Variants in TGFBI observed in about 807,000 individuals in gnomAD.
TGFBI encodes the protein transforming growth factor-beta-induced protein ig-h3.
In TGFBI, 50 loss-of-function variants were observed where a neutral mutation model predicts 73.7. That is an observed-to-expected ratio of 0.68 (90% CI 0.54 to 0.86). The LOEUF (loss-of-function observed/expected upper bound fraction) is 0.86. TGFBI is among the 40% of genes least tolerant of loss of function. The pLI is 0.00. For missense variants in TGFBI, 839 were observed against 877.0 expected, an observed-to-expected ratio of 0.96 and a Z score of 0.55; for synonymous variants, 362 against 360.5, an observed-to-expected ratio of 1.00 and a Z score of -0.05.
At chr5:136,050,331 C>T (rs1434064777) in intron 7 of TGFBI, among the ~76,000 whole-genome samples, 3 of 69,042 alleles carry the variant, frequency 4.3e-5, no homozygotes, top group African/African-American at 1.6e-4. Flanking sequence ...CACTCCGTCT[C>T]AAGAAAAAAA....
At chr5:136,059,805 T>C (rs1320183188) in intron 13 of TGFBI, among the ~76,000 whole-genome samples, 1 of 152,226 alleles carries the variant, frequency 6.6e-6, no homozygotes, top group East Asian at 1.9e-4. Flanking sequence ...TTCTACTCTC[T>C]GCTCCTCTCT....
At position 136,054,024 on chromosome 5, in the gene TGFBI, A is replaced by T; in HGVS notation, c.1208A>T (p.His403Leu). The T allele has an allele frequency of 1.2e-6, 2 of 1,614,024 alleles. No homozygotes were observed. The highest frequency in any genetic ancestry group is 1.7e-6 in the Non-Finnish European group (2 of 1,179,896). Residue 403 changes from histidine to leucine, a missense_variant, in exon 9 of 17, where the codon CAT (histidine) becomes CTT (leucine). Coordinates refer to ENST00000442011, the MANE Select transcript of TGFBI (RefSeq NM_000358.3). ...DLFRQAGLGNHLSGSERLTLL... is the reference protein window; with the variant it reads ...DLFRQAGLGNLLSGSERLTLL... ...TTCAGACAAGCCGGCCTCGGCAATC[A>T]TCTCTCTGGAAGTGAGCGGTTGACC... is the stretch of plus-strand genomic sequence containing the variant.
At chr5:136,041,586 G>C (rs1202506541) in intron 2 of TGFBI, among the ~76,000 whole-genome samples, 1 of 152,182 alleles carries the variant, frequency 6.6e-6, no homozygotes, top group Non-Finnish European at 1.5e-5. Flanking sequence ...TCCTAGGTCT[G>C]TTACTACCTA....
Position 136,036,516 on chromosome 5 carries a change from C to T in TGFBI, c.233+2655C>T, listed in dbSNP as rs559962039. Among the ~76,000 whole-genome samples, 9 of 152,306 alleles carry T rather than the reference C, an allele frequency of 5.9e-5. No individual in the cohort carries two copies. In the East Asian group the frequency reaches 1.7e-3, roughly 29 times the overall value. ...AGAGAGAGGAAGAGGTGGAACCCAT[C>T]TCTGTTCTTGTAGAGAGCTCAGTAA... On this transcript the variant is annotated intron_variant, in intron 2 of 16. Transcript: ENST00000442011.
intron 10 of TGFBI, 194 bp downstream of exon 10, chr5:136,055,055 G>A (rs1751603729): frequency 2.9e-6 from 2 of 678,408 alleles, no homozygotes; most frequent in Non-Finnish European, 4.9e-6. Context: ...TTTTCTGGAG[G>A]CCTTTGAGAA....
chr5:136,059,356 A>G, intron 13 of TGFBI, 142 bp downstream of exon 13: 4 of 1,245,788 alleles, frequency 3.2e-6, no homozygotes, highest in Non-Finnish European at 4.3e-6. Context: ...CCAAAGAAAA[A>G]GAGAAAAGAG....
intron 1 of TGFBI, among the ~76,000 whole-genome samples, chr5:136,031,677 C>T (rs1376230006): frequency 6.6e-6 from 1 of 152,234 alleles, no homozygotes; most frequent in Non-Finnish European, 1.5e-5. Context: ...TACAATCACA[C>T]TTCCAAACAT....
intron 1 of TGFBI, among the ~76,000 whole-genome samples, chr5:136,032,530 C>T (rs1751138771): frequency 6.6e-6 from 1 of 152,214 alleles, no homozygotes; most frequent in Non-Finnish European, 1.5e-5. Context: ...CGCTGCACAT[C>T]AAGTGATGTC....
chr5:136,045,334 G>C (rs1751409656), intron 3 of TGFBI, among the ~76,000 whole-genome samples: 1 of 152,158 alleles, frequency 6.6e-6, no homozygotes, highest in Admixed American at 6.5e-5. Flanking sequence ...ACTGAGGTCA[G>C]GAGTTTGAGA....
At chr5:136,039,371 G>T (rs1329410060) in intron 2 of TGFBI, among the ~76,000 whole-genome samples, 1 of 152,316 alleles carries the variant, frequency 6.6e-6, no homozygotes, top group Non-Finnish European at 1.5e-5. Context: ...CCCCCAGGGG[G>T]TATCAAGCCT....
At chr5:136,040,175 T>TA (rs548289231) in intron 2 of TGFBI, among the ~76,000 whole-genome samples, 163 of 152,338 alleles carry the variant, frequency 1.1e-3, no homozygotes, top group Non-Finnish European at 1.9e-3. Flanking sequence ...CAATCTTGAG[T>TA]AAAAATGTTA....
chr5:136,062,365 G>A (rs1207472853), intron 15 of TGFBI, among the ~76,000 whole-genome samples: 1 of 151,988 alleles, frequency 6.6e-6, no homozygotes, highest in Non-Finnish European at 1.5e-5. Context: ...TACTCCTGAG[G>A]CCACCTCTGT....
At chr5:136,055,372 T>A (rs1037913080) in intron 10 of TGFBI, 1 of 272,820 alleles carries the variant, frequency 3.7e-6, no homozygotes. Context: ...AACAAAGAAA[T>A]AAATAAATGG....
In TGFBI at chr5:136,046,590, C is replaced by G. The variant is rs374482409; in HGVS notation, c.459+95C>G. 48 of 1,414,806 alleles carry G rather than the reference C, an allele frequency of 3.4e-5. No individual in the cohort carries two copies. In the African/African-American group the frequency reaches 6.6e-4, roughly 20 times the overall value. The allele number at this position is 1,414,806 out of a possible 1,614,324, so 87.6% of individuals were successfully genotyped here. A position where few individuals can be genotyped will look rare whatever the true frequency, so the allele number is the denominator to read the frequency against. The stretch of plus-strand genomic sequence containing the variant: ...GATGAATGGGAGTCTGCAGTCATTT[C>G]CTACTGTTTCAGGAAGCTTTCTCCT... On this transcript the variant is annotated intron_variant, in intron 4 of 16. Transcript: ENST00000442011.
Position 136,046,472 on chromosome 5 carries a change from G to T in TGFBI, c.436G>T (p.Glu146Ter), listed in dbSNP as rs773479467. The T allele has an allele frequency of 6.2e-7, 1 of 1,610,792 alleles. No homozygotes were observed. Among genetic ancestry groups the T allele is most frequent in the Non-Finnish European group, 8.5e-7 (1 of 1,177,830 alleles). Residue 146 changes from glutamate (E) to a stop codon, truncating the protein, a stop_gained, in exon 4 of 17, where the codon GAG becomes TAG. Transcript: ENST00000442011. LOFTEE classifies it high-confidence loss of function. ...GSFTIFAPSNEAWASLPAEVL... is the reference protein window; with the variant it reads ...GSFTIFAPSN ...CTTCACCATCTTCGCCCCTAGCAAC[G>T]AGGCCTGGGCCTCCTTGCCAGCTGT...
Position 136,052,911 on chromosome 5 carries a change from G to A in TGFBI, c.918G>A (p.Leu306=). The change falls in exon 8 of 17, where the codon CTG becomes CTA. Residue 306 remains leucine, a synonymous_variant. Transcript: ENST00000442011. ...CTGAGTCTGTTTGGACCCCAGACCT[G>A]CTGAACAACCACATCTTGAAGTCAG... ...ILGDPEALRD[L]LNNHILKSAM... 1 of 1,613,600 alleles carries A rather than the reference G, an allele frequency of 6.2e-7. No individual in the cohort carries two copies. Among genetic ancestry groups the A allele is most frequent in the Non-Finnish European group, 8.5e-7 (1 of 1,179,534 alleles).
intron 2 of TGFBI, among the ~76,000 whole-genome samples, chr5:136,034,599 CG>C (rs1488124196): frequency 6.6e-6 from 1 of 151,738 alleles, no homozygotes; most frequent in Non-Finnish European, 1.5e-5. Context: ...AGAGTGCCAA[CG>C]GGGTGTGGAC....
intron 6 of TGFBI, chr5:136,048,503 A>G (rs1443135406): frequency 6.6e-6 from 1 of 152,246 alleles, no homozygotes; most frequent in African/African-American, 2.4e-5. Flanking sequence ...TTCTCAGTAG[A>G]GCTAATACTC....
chr5:136,043,344 A>T (rs1357742290), intron 2 of TGFBI, among the ~76,000 whole-genome samples: 1 of 152,240 alleles, frequency 6.6e-6, no homozygotes, highest in Non-Finnish European at 1.5e-5. Flanking sequence ...CACTGTTTGT[A>T]TATTTTCAAT....
Sources: allele counts gnomAD v4.1 joint callset (sites outside exome capture counted in the v4.1 genomes callset), GRCh38; gene constraint gnomAD v4.1.1; transcripts MANE v1.5; gene names NCBI Gene and HGNC (gene_info 2026-07-23, HGNC 2026-07-21).